IGSF21: variants seen among roughly 807,000 people sequenced by gnomAD.
The protein encoded by IGSF21 is immunoglobulin superfamily member 21.
Under a neutral mutation model 46.8 loss-of-function variants are expected in IGSF21, and 28 were observed. That is an observed-to-expected ratio of 0.60 (90% CI 0.44 to 0.82). IGSF21 has a LOEUF of 0.82. Ranked by LOEUF, IGSF21 falls within the 40% of genes least tolerant of loss-of-function variation. The probability of loss-of-function intolerance (pLI) is 0.00; values close to 1 mark genes in which losing one functional copy is unlikely to be tolerated. For missense variants in IGSF21, 624 were observed against 665.5 expected (o/e 0.94, Z 0.69); for synonymous variants, 284 against 273.6 (o/e 1.04, Z -0.38).
At chr1:18,305,292 G>A (rs1251253324) in intron 3 of IGSF21, among the ~76,000 whole-genome samples, 1 of 151,550 alleles carries the variant, frequency 6.6e-6, no homozygotes, top group African/African-American at 2.4e-5. Context: ...TGGATAGATG[G>A]ATGGATGCAT....
intron 2 of IGSF21, among the ~76,000 whole-genome samples, chr1:18,279,964 C>T (rs1255816395): frequency 6.6e-6 from 1 of 152,220 alleles, no homozygotes; most frequent in African/African-American, 2.4e-5. Flanking sequence ...ACAGCAAGGG[C>T]CCTCTCCGAG....
chr1:18,370,916 T>G (rs1469964199), intron 6 of IGSF21, among the ~76,000 whole-genome samples: 1 of 152,216 alleles, frequency 6.6e-6, no homozygotes, highest in African/African-American at 2.4e-5. Flanking sequence ...TTTTAAAAAC[T>G]GACAATACCA....
chr1:18,346,714 A>C lies in IGSF21; in HGVS notation c.424+11704A>C, dbSNP rs528445495. 1.2e-3 allele frequency among the ~76,000 whole-genome samples: 181 copies of C among 152,204 alleles called. 1 individual carries two copies. Among genetic ancestry groups the C allele is most frequent in the African/African-American group, 4.2e-3 (176 of 41,540 alleles). ...GGGGTGGAGAGGCCAGGGCCTATGG[A>C]CCTCTACAGGCCTCCTCCCTGCCAG... On this transcript the variant is annotated intron_variant, in intron 4 of 9. Coordinates refer to ENST00000251296, the MANE Select transcript of IGSF21 (RefSeq NM_032880.5).
At chr1:18,297,398 A>C (rs550016199) in intron 3 of IGSF21, among the ~76,000 whole-genome samples, 1 of 152,314 alleles carries the variant, frequency 6.6e-6, no homozygotes, top group Middle Eastern at 3.4e-3. Flanking sequence ...GGAATTGAGT[A>C]GTTACCATAT....
chr1:18,318,468 G>A (rs1038114295), intron 3 of IGSF21, among the ~76,000 whole-genome samples: 4 of 113,164 alleles, frequency 3.5e-5, no homozygotes, highest in African/African-American at 8.4e-5. Context: ...GTGCGTGCGT[G>A]TGTGTGTGTG....
At position 18,136,109 on chromosome 1, in the gene IGSF21, G is replaced by GT. The variant is rs565828787; in HGVS notation, c.70+27918dup. Among the ~76,000 whole-genome samples the GT allele has an allele frequency of 1.2e-3, 176 of 152,242 alleles. 1 individual carries two copies. Among genetic ancestry groups the GT allele is most frequent in the African/African-American group, 3.9e-3 (163 of 41,550 alleles). ...CCTTCACCCACTTTTTGATGGGGTT[G>GT]TTTTTTTCTTGTAAATTTGTTTGAG... is the stretch of plus-strand genomic sequence containing the variant. On this transcript the variant is annotated intron_variant, in intron 1 of 9. Coordinates refer to ENST00000251296, the MANE Select transcript of IGSF21 (RefSeq NM_032880.5).
chr1:18,236,079 C>T (rs2084670235), intron 2 of IGSF21, among the ~76,000 whole-genome samples: 1 of 151,208 alleles, frequency 6.6e-6, no homozygotes, highest in African/African-American at 2.4e-5. Flanking sequence ...ACAGGGAGGA[C>T]AGGACAGGAG....
At chr1:18,149,909 C>A (rs964928083) in intron 1 of IGSF21, among the ~76,000 whole-genome samples, 2 of 152,116 alleles carry the variant, frequency 1.3e-5, no homozygotes, top group Non-Finnish European at 2.9e-5. Flanking sequence ...TTTCACCATA[C>A]GCTAATTATT....
intron 1 of IGSF21, among the ~76,000 whole-genome samples, chr1:18,124,225 C>T (rs1402950164): frequency 2.0e-5 from 3 of 152,192 alleles, no homozygotes; most frequent in Admixed American, 6.5e-5. Context: ...TGGACCTCCT[C>T]GTCCTCACCT....
chr1:18,273,622 G>C (rs2085073027), intron 2 of IGSF21, among the ~76,000 whole-genome samples: 1 of 150,816 alleles, frequency 6.6e-6, no homozygotes, highest in Admixed American at 6.6e-5. Flanking sequence ...AAAAGCAAAT[G>C]GGTTTTTTTG....
chr1:18,146,729 A>T (rs1035885352), intron 1 of IGSF21, among the ~76,000 whole-genome samples: 1 of 152,214 alleles, frequency 6.6e-6, no homozygotes, highest in East Asian at 1.9e-4. Context: ...ATCAGTTCTG[A>T]CGTGCCCCTC....
At chr1:18,352,572 A>G (rs1049876529) in intron 4 of IGSF21, among the ~76,000 whole-genome samples, 3 of 152,194 alleles carry the variant, frequency 2.0e-5, no homozygotes, top group African/African-American at 7.2e-5. Flanking sequence ...ATCTAGATCC[A>G]ACACAAGACG....
At chr1:18,261,254 A>C (rs2084944360) in intron 2 of IGSF21, among the ~76,000 whole-genome samples, 1 of 152,178 alleles carries the variant, frequency 6.6e-6, no homozygotes, top group Admixed American at 6.5e-5. Context: ...TGTTTTCCAG[A>C]AGTGTCATGC....
At chr1:18,280,432 A>G (rs2085148139) in intron 2 of IGSF21, among the ~76,000 whole-genome samples, 1 of 152,114 alleles carries the variant, frequency 6.6e-6, no homozygotes, top group Non-Finnish European at 1.5e-5. Context: ...TGAAGCCTTC[A>G]ATGGCTCTCC....
At position 18,291,980 on chromosome 1, in the gene IGSF21, A is replaced by G; in HGVS notation, c.298A>G (p.Thr100Ala). 6.2e-7 allele frequency: 1 copy of G among 1,613,612 alleles called. No individual in the cohort carries two copies. Residue 100 changes from threonine to alanine, a missense_variant, in exon 3 of 10, where the codon ACT becomes GCT. Coordinates refer to ENST00000251296, the MANE Select transcript of IGSF21 (RefSeq NM_032880.5). ...GCGAGAGGACCTGGTGTACCAGTCC[A>G]CTGTGAGGTGAGTGCCTGGGGGTGG... ...RKREDLVYQS[T>A]VRLPEVRISD...
chr1:18,137,182 G>A (rs2086374526), intron 1 of IGSF21, among the ~76,000 whole-genome samples: 1 of 152,134 alleles, frequency 6.6e-6, no homozygotes, highest in Non-Finnish European at 1.5e-5. Flanking sequence ...GCCAGAGCAG[G>A]AGCAAGAGAG....
At chr1:18,225,363 C>T (rs1241891289) in intron 1 of IGSF21, among the ~76,000 whole-genome samples, 3 of 152,006 alleles carry the variant, frequency 2.0e-5, no homozygotes, top group Non-Finnish European at 4.4e-5. Flanking sequence ...AACACTACCA[C>T]CCAATCACCA....
chr1:18,155,509 A>T (rs531764658), intron 1 of IGSF21, among the ~76,000 whole-genome samples: 1 of 152,344 alleles, frequency 6.6e-6, no homozygotes, highest in East Asian at 1.9e-4. Flanking sequence ...AAGGGGTCCC[A>T]CCCAGGCTGG....
At chr1:18,245,091 A>G (rs969579038) in intron 2 of IGSF21, among the ~76,000 whole-genome samples, 1 of 152,192 alleles carries the variant, frequency 6.6e-6, no homozygotes, top group Non-Finnish European at 1.5e-5. Flanking sequence ...AAATTTCCAG[A>G]ATGCTTGTAA....
Sources: gnomAD v4.1 joint callset for allele counts (sites outside exome capture counted in the v4.1 genomes callset) on GRCh38, gnomAD v4.1.1 for gene constraint, MANE v1.5 for transcripts, NCBI Gene and HGNC (gene_info 2026-07-23, HGNC 2026-07-21) for gene names.